DPP10: variants seen among roughly 807,000 people sequenced by gnomAD.
DPP10 encodes dipeptidyl peptidase like 10.
In DPP10, 33 loss-of-function variants were observed where a neutral mutation model predicts 120.9. The observed-to-expected ratio is 0.27, with a 90% CI of 0.21 to 0.37. The LOEUF is 0.37. DPP10 is among the 10% of genes least tolerant of loss of function. The pLI, the probability that DPP10 is intolerant of heterozygous loss-of-function variation, is 1.00. For missense variants in DPP10, 816 were observed against 942.8 expected (o/e 0.87, Z 1.76); for synonymous variants, 337 against 326.1 (o/e 1.03, Z -0.36).
chr2:115,468,370 T>C, intron 3 of DPP10: 1 of 509,138 alleles, frequency 2.0e-6, no homozygotes, highest in South Asian at 1.4e-5. Flanking sequence ...ACTCTTGGGA[T>C]GTTCACTAAC....
intron 1 of DPP10, among the ~76,000 whole-genome samples, chr2:114,966,641 T>A (rs1008014232): frequency 6.6e-6 from 1 of 152,218 alleles, no homozygotes; most frequent in African/African-American, 2.4e-5. Context: ...GCAACACACA[T>A]GGACTAAGAC....
rs532152303 is a variant in DPP10, at chr2:114,925,772, C to T, written c.61-383467C>T. Among the ~76,000 whole-genome samples, 11 of 152,236 alleles carry T rather than the reference C, an allele frequency of 7.2e-5. No individual in the cohort carries two copies. The South Asian group carries it at 1.0e-3, about 14-fold the overall frequency. ...CGTGCAGGGATATGGACTGTAGACC[C>T]TGTTACAAATACTAAATATCTGTTT... On this transcript the variant is annotated intron_variant, in intron 1 of 25. Transcript: ENST00000410059.
chr2:115,595,861 C>A (rs1307809584), intron 5 of DPP10, among the ~76,000 whole-genome samples: 1 of 151,874 alleles, frequency 6.6e-6, no homozygotes, highest in Non-Finnish European at 1.5e-5. Context: ...TTTTTTATAA[C>A]CTTTTTACAC....
intron 5 of DPP10, among the ~76,000 whole-genome samples, chr2:115,665,564 G>A (rs577568749): frequency 6.6e-6 from 1 of 152,214 alleles, no homozygotes; most frequent in Admixed American, 6.5e-5. Flanking sequence ...AGAAAACCTT[G>A]CTTGTTAGTG....
chr2:114,664,626 C>CAAAAA (rs374561367), intron 1 of DPP10, among the ~76,000 whole-genome samples: 2 of 81,474 alleles, frequency 2.5e-5, no homozygotes, highest in Admixed American at 1.3e-4. Flanking sequence ...GACTCCGTCT[C>CAAAAA]AAAAAAAAAA....
intron 3 of DPP10, among the ~76,000 whole-genome samples, chr2:115,458,005 A>C (rs865967264): frequency 1.3e-5 from 2 of 152,082 alleles, no homozygotes; most frequent in Non-Finnish European, 2.9e-5. Flanking sequence ...GGCTACTATA[A>C]GATGGATAAG....
intron 2 of DPP10, among the ~76,000 whole-genome samples, chr2:115,326,589 C>A (rs1251735647): frequency 6.6e-6 from 1 of 151,928 alleles, no homozygotes. Flanking sequence ...ATTTTAGCCC[C>A]ATGCACCTTA....
At chr2:115,216,645 G>A (rs765050106) in intron 1 of DPP10, among the ~76,000 whole-genome samples, 10 of 151,932 alleles carry the variant, frequency 6.6e-5, no homozygotes, top group Non-Finnish European at 1.3e-4. Flanking sequence ...TCAGCCAGGT[G>A]TGCTGGCGGG....
intron 1 of DPP10, among the ~76,000 whole-genome samples, chr2:115,218,182 A>G (rs1166616756): frequency 2.6e-5 from 4 of 152,284 alleles, no homozygotes; most frequent in South Asian, 4.1e-4. Context: ...CAAAAGGACA[A>G]TTTTTATTTT....
chr2:114,724,206 A>T (rs1204112205), intron 1 of DPP10, among the ~76,000 whole-genome samples: 2 of 152,282 alleles, frequency 1.3e-5, no homozygotes, highest in Non-Finnish European at 2.9e-5. Flanking sequence ...TCTATGCTAA[A>T]CGATTACCTC....
chr2:115,836,877 G>T, intron 24 of DPP10, 131 bp downstream of exon 24: 1 of 723,022 alleles, frequency 1.4e-6, no homozygotes, highest in Admixed American at 2.7e-5. Flanking sequence ...CAAAGAATCA[G>T]ATACATGATA....
intron 1 of DPP10, among the ~76,000 whole-genome samples, chr2:114,773,127 G>A (rs1681418191): frequency 6.6e-6 from 1 of 152,122 alleles, no homozygotes; most frequent in African/African-American, 2.4e-5. Flanking sequence ...GTGACTACAT[G>A]CTGTGTTATT....
chr2:115,608,629 A>G (rs1238647577), intron 5 of DPP10, among the ~76,000 whole-genome samples: 1 of 152,166 alleles, frequency 6.6e-6, no homozygotes, highest in African/African-American at 2.4e-5. Context: ...ACTATGTGAT[A>G]AGAAGTTCCA....
chr2:115,523,945 ATGT>A (rs2148890220), intron 4 of DPP10, among the ~76,000 whole-genome samples: 1 of 152,234 alleles, frequency 6.6e-6, no homozygotes, highest in African/African-American at 2.4e-5. Flanking sequence ...TTGCCAGTGA[ATGT>A]TGTTATCTTC....
intron 21 of DPP10, among the ~76,000 whole-genome samples, chr2:115,827,266 T>A (rs781276787): frequency 1.5e-4 from 23 of 149,556 alleles, no homozygotes; most frequent in African/African-American, 5.4e-4. Flanking sequence ...CAGGTCAGTA[T>A]TTATGTATGT....
intron 11 of DPP10, among the ~76,000 whole-genome samples, chr2:115,762,315 T>G (rs2149790911): frequency 6.6e-6 from 1 of 152,224 alleles, no homozygotes; most frequent in South Asian, 2.1e-4. Context: ...GAAAATGATC[T>G]TCTCTCCCTG....
At chr2:114,688,739 A>T (rs1451610402) in intron 1 of DPP10, among the ~76,000 whole-genome samples, 1 of 152,010 alleles carries the variant, frequency 6.6e-6, no homozygotes, top group Non-Finnish European at 1.5e-5. Flanking sequence ...AGATGGGCAC[A>T]GAGTGTTATG....
chr2:115,684,617 C>T (rs888840569), intron 5 of DPP10, among the ~76,000 whole-genome samples: 2 of 151,652 alleles, frequency 1.3e-5, no homozygotes, highest in Admixed American at 6.6e-5. Context: ...TATATCAATT[C>T]GGCTGTTCAA....
chr2:115,022,458 A>G (rs970137926), intron 1 of DPP10, among the ~76,000 whole-genome samples: 1 of 151,838 alleles, frequency 6.6e-6, no homozygotes, highest in Non-Finnish European at 1.5e-5. Context: ...CTAAACAAGG[A>G]CGTGAAAGAA....
Sources: allele counts gnomAD v4.1 joint callset (sites outside exome capture counted in the v4.1 genomes callset), GRCh38; gene constraint gnomAD v4.1.1; transcripts MANE v1.5; gene names NCBI Gene and HGNC (gene_info 2026-07-23, HGNC 2026-07-21).